The following ARHGAP10 variants were observed in gnomAD, a reference collection of about 807,000 sequenced individuals.
ARHGAP10 encodes the protein rho GTPase-activating protein 10.
Under a neutral mutation model 108.6 loss-of-function variants are expected in ARHGAP10, and 87 were observed. The ratio of observed to expected loss-of-function variants is 0.80; its 90% confidence interval spans 0.67 to 0.96. The LOEUF (loss-of-function observed/expected upper bound fraction) is 0.96, where lower values mean the gene tolerates loss of function less well. ARHGAP10 is among the 40% of genes least tolerant of loss of function. ARHGAP10 has a pLI of 0.00. For synonymous variants in ARHGAP10, 347 were observed against 341.1 expected (o/e 1.02, Z -0.19); for missense variants, 939 against 954.5 (o/e 0.98, Z 0.21).
At chr4:147,743,360 G>A (rs1388283481) in intron 1 of ARHGAP10, among the ~76,000 whole-genome samples, 1 of 152,108 alleles carries the variant, frequency 6.6e-6, no homozygotes, top group Non-Finnish European at 1.5e-5. Context: ...TGTGAAATGC[G>A]AATCAAAGGC....
chr4:147,733,578 C>T (rs1728309930), intron 1 of ARHGAP10, among the ~76,000 whole-genome samples: 3 of 152,138 alleles, frequency 2.0e-5, no homozygotes, highest in South Asian at 2.1e-4. Flanking sequence ...TTGTAGATAC[C>T]ACCTCTGGGG....
At chr4:147,850,609 C>T (rs1733839627) in intron 4 of ARHGAP10, among the ~76,000 whole-genome samples, 1 of 152,188 alleles carries the variant, frequency 6.6e-6, no homozygotes, top group African/African-American at 2.4e-5. Flanking sequence ...AAACTCCGGA[C>T]ACATCTGAAC....
chr4:147,853,892 T>C (rs978240357), intron 4 of ARHGAP10, among the ~76,000 whole-genome samples: 2 of 152,198 alleles, frequency 1.3e-5, no homozygotes, highest in Non-Finnish European at 2.9e-5. Context: ...AATTTTGATA[T>C]GAGATGAGGT....
intron 1 of ARHGAP10, among the ~76,000 whole-genome samples, chr4:147,815,002 A>T (rs1211094534): frequency 6.6e-6 from 1 of 152,180 alleles, no homozygotes; most frequent in Admixed American, 6.5e-5. Flanking sequence ...TTGGCGTCGA[A>T]GCCAAGAAGC....
At chr4:147,832,399 A>G (rs1322968769) in intron 3 of ARHGAP10, among the ~76,000 whole-genome samples, 4 of 151,376 alleles carry the variant, frequency 2.6e-5, no homozygotes, top group Non-Finnish European at 5.9e-5. Flanking sequence ...CTGTAATCCC[A>G]GCACTTTGGG....
intron 1 of ARHGAP10, among the ~76,000 whole-genome samples, chr4:147,796,000 G>T (rs1356819672): frequency 6.6e-6 from 1 of 152,028 alleles, no homozygotes; most frequent in Non-Finnish European, 1.5e-5. Context: ...GCTTCCTTTT[G>T]ATTGACCTTT....
In ARHGAP10 at chr4:148,001,389, C is replaced by G. The variant is rs191903682; in HGVS notation, c.1717-21874C>G. Among the ~76,000 whole-genome samples, 516 of 152,214 alleles carry G rather than the reference C, an allele frequency of 3.4e-3. 2 individuals carry two copies. Among genetic ancestry groups the G allele is most frequent in the African/African-American group, 0.012 (498 of 41,518 alleles). ...TTCTTTTGGCTTAGGATTGTCTTGG[C>G]AATGCGGGCCCTTTTTTGGTTCCAT... On this transcript the variant is annotated intron_variant, in intron 18 of 22. Coordinates refer to ENST00000336498, the MANE Select transcript of ARHGAP10 (RefSeq NM_024605.4).
chr4:147,782,997 T>A (rs867986429), intron 1 of ARHGAP10, among the ~76,000 whole-genome samples: 437 of 136,240 alleles, frequency 3.2e-3, no homozygotes, highest in Middle Eastern at 0.012. Context: ...ATTATATATA[T>A]TATATAAATT....
Position 147,732,464 on chromosome 4 carries a change from G to A in ARHGAP10, c.154+9G>A, listed in dbSNP as rs772886508. ...CATCGCTGCGACGAAAAGTAAGCGG[G>A]GACGCGGGCGCGGACGGGCTGCGGC... On this transcript the variant is annotated intron_variant, in intron 1 of 22. Transcript: ENST00000336498. 8 of 1,610,344 alleles carry A rather than the reference G, an allele frequency of 5.0e-6. No individual in the cohort carries two copies. In the African/African-American group the frequency reaches 5.4e-5, roughly 11 times the overall value.
intron 13 of ARHGAP10, among the ~76,000 whole-genome samples, chr4:147,935,074 G>A (rs1202317858): frequency 1.3e-5 from 2 of 152,154 alleles, no homozygotes; most frequent in East Asian, 3.9e-4. Flanking sequence ...AAGGGGAAGA[G>A]CATTCCTGCT....
At position 148,072,339 on chromosome 4, in the gene ARHGAP10, G is replaced by C. The variant is rs1730220781; in HGVS notation, c.*258G>C. 1.2e-5 allele frequency: 5 copies of C among 415,998 alleles called. No individual in the cohort carries two copies. The highest frequency in any genetic ancestry group is 2.1e-5 in the Non-Finnish European group (5 of 236,308). 25.8% of individuals were successfully genotyped at this position (415,998 alleles called of 1,614,324 possible). A position where few individuals can be genotyped will look rare whatever the true frequency, so the allele number is the denominator to read the frequency against. ...TTTCATTTGTCAAGTATTGGGACTT[G>C]TGATTTTTAATTATCCAGCATATAG... On this transcript the variant is annotated 3_prime_UTR_variant, in exon 23 of 23. Coordinates refer to ENST00000336498, the MANE Select transcript of ARHGAP10 (RefSeq NM_024605.4).
intron 1 of ARHGAP10, among the ~76,000 whole-genome samples, chr4:147,745,980 G>C (rs1163075671): frequency 6.6e-6 from 1 of 150,396 alleles, no homozygotes; most frequent in Non-Finnish European, 1.5e-5. Context: ...AGTAGAGATG[G>C]GGTTTCACCA....
intron 21 of ARHGAP10, 21 bp from the exon 22 acceptor site, chr4:148,064,395 T>C: frequency 3.1e-6 from 5 of 1,610,258 alleles, no homozygotes; most frequent in Non-Finnish European, 4.2e-6. Context: ...TTGGTGTCTT[T>C]TGTATTCTCT....
chr4:147,784,808 T>A, intron 1 of ARHGAP10, among the ~76,000 whole-genome samples: 1 of 26,926 alleles, frequency 3.7e-5, no homozygotes, highest in African/African-American at 5.9e-5. Context: ...ATAAATATAA[T>A]ATATTATAAA....
chr4:148,035,497 G>A (rs1192473699), intron 19 of ARHGAP10, among the ~76,000 whole-genome samples: 1 of 152,166 alleles, frequency 6.6e-6, no homozygotes, highest in Non-Finnish European at 1.5e-5. Flanking sequence ...TATTAGCCAA[G>A]TGAATTATTA....
intron 13 of ARHGAP10, among the ~76,000 whole-genome samples, chr4:147,938,891 A>G (rs908050824): frequency 1.3e-5 from 2 of 152,354 alleles, no homozygotes; most frequent in South Asian, 2.1e-4. Context: ...ATTATTATGA[A>G]AATTTTCAAG....
intron 22 of ARHGAP10, among the ~76,000 whole-genome samples, chr4:148,067,936 A>G (rs1729970055): frequency 6.6e-6 from 1 of 151,784 alleles, no homozygotes; most frequent in Non-Finnish European, 1.5e-5. Flanking sequence ...TCTCTAGTAG[A>G]CTCACTAATG....
intron 18 of ARHGAP10, among the ~76,000 whole-genome samples, chr4:147,977,814 C>T (rs1739655362): frequency 1.3e-5 from 2 of 152,036 alleles, no homozygotes; most frequent in Non-Finnish European, 2.9e-5. Context: ...TCTCCCCCTC[C>T]CCCTCCCCTT....
At chr4:147,767,108 C>G (rs560183161) in intron 1 of ARHGAP10, among the ~76,000 whole-genome samples, 1 of 152,070 alleles carries the variant, frequency 6.6e-6, no homozygotes, top group South Asian at 2.1e-4. Flanking sequence ...ACTTTGGCCG[C>G]CCAAAGTGCT....
Sources: gnomAD v4.1 joint callset for allele counts (sites outside exome capture counted in the v4.1 genomes callset) on GRCh38, gnomAD v4.1.1 for gene constraint, MANE v1.5 for transcripts, NCBI Gene and HGNC (gene_info 2026-07-23, HGNC 2026-07-21) for gene names.